CARD10: variants seen among roughly 807,000 people sequenced by gnomAD.
CARD10 encodes the protein caspase recruitment domain family member 10, also known as caspase recruitment domain-containing protein 10.
CARD10 carries 49 observed loss-of-function variants against 114.6 expected under a neutral mutation model. The ratio of observed to expected loss-of-function variants is 0.43; its 90% confidence interval spans 0.34 to 0.54. The LOEUF (loss-of-function observed/expected upper bound fraction) is 0.54, where lower values mean the gene tolerates loss of function less well. CARD10 is among the 20% of genes least tolerant of loss of function. The pLI, the probability that CARD10 is intolerant of heterozygous loss-of-function variation, is 0.03. For synonymous variants in CARD10, 602 were observed against 593.2 expected, an observed-to-expected ratio of 1.01 and a Z score of -0.21; for missense variants, 1,206 against 1,397.2, an observed-to-expected ratio of 0.86 and a Z score of 2.18.
rs1922859669 is a variant in CARD10, at chr22:37,492,934, C to T, written c.2477-132G>A. On this transcript the variant is annotated intron_variant, in intron 16 of 19. Transcript: ENST00000251973. The surrounding 1 kb of genome is among the most constrained non-coding windows in gnomAD (Gnocchi z 5.7). ...CTGCTGCTCCTCCTACACATGCACA[C>T]ACACACACCCTTAGTAGGACCGACG... 1 of 889,544 alleles carries T rather than the reference C, an allele frequency of 1.1e-6. No homozygotes were observed. Among genetic ancestry groups the T allele is most frequent in the African/African-American group, 1.7e-5 (1 of 59,912 alleles). The allele number at this position is 889,544 out of a possible 1,614,324, so 55.1% of individuals were successfully genotyped here.
chr22:37,504,278 C>T lies in CARD10; in HGVS notation c.1542G>A (p.Lys514=), dbSNP rs1366626863. ...GCAGGATGGAGAGCCGATTGATCTC[C>T]TTTTCACTGTCTGTGGCTTCCTCCT... ...HNSEEATDSE[K]EINRLSILPF... The change falls in exon 9 of 20, where the codon AAG becomes AAA. Residue 514 remains lysine, a synonymous_variant. Coordinates refer to ENST00000251973, the MANE Select transcript of CARD10 (RefSeq NM_014550.4). 1 of 1,564,096 alleles carries T rather than the reference C, an allele frequency of 6.4e-7. No homozygotes were observed. Among genetic ancestry groups the T allele is most frequent in the Non-Finnish European group, 8.7e-7 (1 of 1,152,720 alleles).
In CARD10 at chr22:37,501,716, G is replaced by A. The variant is rs1165856726; in HGVS notation, c.1787+886C>T. Reference sequence around the variant, plus strand: ...TGGGCAAGTTGCTTAACCTCTCTGAGCCCCAGTTACCTCCTCTATGGAGCA... The same window carrying A: ...TGGGCAAGTTGCTTAACCTCTCTGAACCCCAGTTACCTCCTCTATGGAGCA... On this transcript the variant is annotated intron_variant, in intron 11 of 19. Transcript: ENST00000251973. The surrounding 1 kb of genome is among the most constrained non-coding windows in gnomAD (Gnocchi z 5.4). 6.6e-6 allele frequency among the ~76,000 whole-genome samples: 1 copy of A among 152,174 alleles called. No homozygotes were observed. Among genetic ancestry groups the A allele is most frequent in the Admixed American group, 6.5e-5 (1 of 15,274 alleles).
In CARD10 at chr22:37,496,557, T is replaced by G. The variant is rs1424294937; in HGVS notation, c.1951A>C (p.Arg651=). ...GSARMEPREQ[R]VEAAGLEGAC... ...CCCTCCAGACCAGCAGCTTCCACCC[T>G]TTGCTGGGAGAAAACCCAGGCAGGG... is the stretch of plus-strand genomic sequence containing the variant. Residue 651 remains arginine, a synonymous_variant, in exon 13 of 20, where the codon AGG becomes CGG. Transcript: ENST00000251973. This position sits in a 1 kb window ranked among gnomAD's most constrained non-coding sequence, Gnocchi z 4.1. 1 of 1,611,008 alleles carries G rather than the reference T, an allele frequency of 6.2e-7. No individual in the cohort carries two copies. Among genetic ancestry groups the G allele is most frequent in the South Asian group, 1.1e-5 (1 of 90,988 alleles).
rs150457769 is a variant in CARD10, at chr22:37,502,644, T to C, written c.1745A>G (p.Glu582Gly). Residue 582 changes from glutamate to glycine, a missense_variant, in exon 11 of 20, where the codon GAA (glutamate) becomes GGA (glycine). Transcript: ENST00000251973. ...SDSVWPLGKP[E>G]GLLARGCGLD... ...GCCACAGCCCCGAGCCAGGAGGCCT[T>C]CCGGCTTTCCCAAAGGCCACACGCT... 2 of 1,613,870 alleles carry C rather than the reference T, an allele frequency of 1.2e-6. No homozygotes were observed. Among genetic ancestry groups the C allele is most frequent in the East Asian group, 4.5e-5 (2 of 44,876 alleles).
rs991953066 is a variant in CARD10, at chr22:37,496,890, T to C, written c.1947+129A>G. 3.1e-5 allele frequency: 36 copies of C among 1,145,724 alleles called. No individual in the cohort carries two copies. Among genetic ancestry groups the C allele is most frequent in the Non-Finnish European group, 4.5e-5 (36 of 808,710 alleles). 71.0% of individuals were successfully genotyped at this position (1,145,724 alleles called of 1,614,324 possible). The stretch of plus-strand genomic sequence containing the variant: ...TGAGCAGGCAACCACAGCTAATCAC[T>C]GAGCCCGCTTCGGCTTTGACCAATC... On this transcript the variant is annotated intron_variant, in intron 12 of 19. Transcript: ENST00000251973. This position sits in a 1 kb window ranked among gnomAD's most constrained non-coding sequence, Gnocchi z 4.1.
In CARD10 at chr22:37,495,748, G is replaced by A. The variant is rs770676715; in HGVS notation, c.2303+12C>T. 6.2e-7 allele frequency: 1 copy of A among 1,613,596 alleles called. No homozygotes were observed. The highest frequency in any genetic ancestry group is 8.5e-7 in the Non-Finnish European group (1 of 1,179,842). ...AGGGGGACCCCATCCCCAGCTCCTG[G>A]CTCTGCGTCACCTCTGATAATTGGG... On this transcript the variant is annotated intron_variant, in intron 14 of 19. Coordinates refer to ENST00000251973, the MANE Select transcript of CARD10 (RefSeq NM_014550.4).
intron 2 of CARD10, among the ~76,000 whole-genome samples, chr22:37,517,239 T>C (rs1923871336): frequency 6.6e-6 from 1 of 152,208 alleles, no homozygotes; most frequent in Non-Finnish European, 1.5e-5. Flanking sequence ...TTAAAACAAG[T>C]GTATGTAACA....
Position 37,491,412 on chromosome 22 carries a change from G to A in CARD10, c.2865-19C>T, listed in dbSNP as rs780250872. The A allele has an allele frequency of 3.4e-6, 5 of 1,452,836 alleles. No individual in the cohort carries two copies. The highest frequency in any genetic ancestry group is 2.4e-5 in the Admixed American group (1 of 41,386). 90.0% of individuals were successfully genotyped at this position (1,452,836 alleles called of 1,614,324 possible). On this transcript the variant is annotated intron_variant, in intron 19 of 19. Coordinates refer to ENST00000251973, the MANE Select transcript of CARD10 (RefSeq NM_014550.4). ...CAGACCCCTGCCGAGAGAAGAGTGA[G>A]CAGCGGTCAAAGTGGGGGACCAAGA... is the stretch of plus-strand genomic sequence containing the variant.
At chr22:37,503,607 C>T (rs1034564667) in intron 9 of CARD10, among the ~76,000 whole-genome samples, 4 of 152,146 alleles carry the variant, frequency 2.6e-5, no homozygotes, top group African/African-American at 7.2e-5. Context: ...TCAGACACCT[C>T]CTTGGGACAG....
intron 6 of CARD10, among the ~76,000 whole-genome samples, chr22:37,507,207 G>A (rs1353460917): frequency 6.6e-6 from 1 of 152,208 alleles, no homozygotes; most frequent in Non-Finnish European, 1.5e-5. Flanking sequence ...AATCTGGGAG[G>A]CCTCAGTGAG....
Position 37,496,075 on chromosome 22 carries a change from T to TG in CARD10, c.2060-73dup. ...TGGTGAGGTCCAGGATCGGCCTTGG[T>TG]GGGGCCAAAGACATGGCCCTCTCGA... On this transcript the variant is annotated intron_variant, in intron 13 of 19. Transcript: ENST00000251973. This position sits in a 1 kb window ranked among gnomAD's most constrained non-coding sequence, Gnocchi z 4.1. 6.3e-7 allele frequency: 1 copy of TG among 1,577,874 alleles called. No homozygotes were observed.
rs140567423 is a variant in CARD10, at chr22:37,508,545, G to C, written c.1047C>G (p.Ala349=). ...GCCCCACCTGGTCGCGCAGCTCCTC[G>C]GCCCACTGCAGCTCCCCCTGCACGG... The part of the protein sequence containing the change: ...LHAVQGELQW[A]EELRDQYLQE... The change falls in exon 5 of 20, where the codon GCC becomes GCG. Residue 349 remains alanine, a synonymous_variant. Coordinates refer to ENST00000251973, the MANE Select transcript of CARD10 (RefSeq NM_014550.4). 15 of 1,596,282 alleles carry C rather than the reference G, an allele frequency of 9.4e-6. No individual in the cohort carries two copies. Among genetic ancestry groups the C allele is most frequent in the Non-Finnish European group, 1.2e-5 (14 of 1,177,958 alleles).
chr22:37,499,095 G>A (rs966753110), intron 11 of CARD10, among the ~76,000 whole-genome samples: 1 of 152,128 alleles, frequency 6.6e-6, no homozygotes, highest in Non-Finnish European at 1.5e-5. Context: ...GCCACCCCAG[G>A]TAAATCCAAT....
rs762603074 is a variant in CARD10 at position 37,496,605 on chromosome 22, G to A, written c.1948-45C>T. On this transcript the variant is annotated intron_variant, in intron 12 of 19. Transcript: ENST00000251973. This position sits in a 1 kb window ranked among gnomAD's most constrained non-coding sequence, Gnocchi z 4.1. ...GGGAGGGAAAGAAGTGAGCCTCTGA[G>A]AGTAGAGCAGCCCAGGGGCTGGAGG... 2 of 1,396,336 alleles carry A rather than the reference G, an allele frequency of 1.4e-6. No individual in the cohort carries two copies. The highest frequency in any genetic ancestry group is 3.4e-5 in the Admixed American group (2 of 58,476). The allele number at this position is 1,396,336 out of a possible 1,614,324, so 86.5% of individuals were successfully genotyped here. A position where few individuals can be genotyped will look rare whatever the true frequency, so the allele number is the denominator to read the frequency against.
At position 37,517,996 on chromosome 22, in the gene CARD10, G is replaced by A. The variant is rs765900935; in HGVS notation, c.348C>T (p.Pro116=). Residue 116 remains proline, a synonymous_variant, in exon 2 of 20, where the codon CCC becomes CCT. Transcript: ENST00000251973. ...CGAGGATCATGGAGCAGCGCTGGGC[G>A]GGTTCCTGGCCCGTGAGCAGCGTGA... ...EHFTLLTGQE[P]AQRCSMILDE... 1.2e-5 allele frequency: 20 copies of A among 1,613,902 alleles called. No individual in the cohort carries two copies. The highest frequency in any genetic ancestry group is 1.6e-4 in the Middle Eastern group (1 of 6,084).
In CARD10 at chr22:37,492,193, G is replaced by A. The variant is rs1380931160; in HGVS notation, c.2751+242C>T. Among the ~76,000 whole-genome samples the A allele has an allele frequency of 1.3e-5, 2 of 152,068 alleles. No individual in the cohort carries two copies. Among genetic ancestry groups the A allele is most frequent in the African/African-American group, 4.8e-5 (2 of 41,404 alleles). ...GTGGCAAGTTCAAGGATAAGGATGT[G>A]TAGGTGAGCTGTGTCAGCCAAACAC... On this transcript the variant is annotated intron_variant, in intron 18 of 19. Coordinates refer to ENST00000251973, the MANE Select transcript of CARD10 (RefSeq NM_014550.4). The surrounding 1 kb of genome is among the most constrained non-coding windows in gnomAD (Gnocchi z 5.7).
rs760636458 is a variant in CARD10, at chr22:37,496,037, G to A, written c.2060-34C>T. On this transcript the variant is annotated intron_variant, in intron 13 of 19. Transcript: ENST00000251973. This position sits in a 1 kb window ranked among gnomAD's most constrained non-coding sequence, Gnocchi z 4.1. ...GGATGGGGCAGGGGGCAGCAAGGAG[G>A]ACAAGAGGAGGATGGTGAGGTCCAG... The A allele has an allele frequency of 6.2e-7, 1 of 1,607,856 alleles. No individual in the cohort carries two copies. Among genetic ancestry groups the A allele is most frequent in the Admixed American group, 1.7e-5 (1 of 59,868 alleles).
At chr22:37,503,266 C>G in intron 9 of CARD10, 53 bp from the exon 10 acceptor site, 1 of 1,523,778 alleles carries the variant, frequency 6.6e-7, no homozygotes, top group Non-Finnish European at 8.9e-7. Context: ...AGTGGGCACT[C>G]TGCCCCGCTC....
At chr22:37,517,181 G>A (rs1016231898) in intron 2 of CARD10, among the ~76,000 whole-genome samples, 4 of 152,146 alleles carry the variant, frequency 2.6e-5, no homozygotes, top group African/African-American at 7.2e-5. Context: ...CTGGAAATGG[G>A]TTAAATGAAT....
Sources: allele counts gnomAD v4.1 joint callset (sites outside exome capture counted in the v4.1 genomes callset), GRCh38; gene constraint gnomAD v4.1.1; non-coding constraint Gnocchi (gnomAD v3.1); transcripts MANE v1.5; gene names NCBI Gene and HGNC (gene_info 2026-07-23, HGNC 2026-07-21).